Variants in CFAP52 observed in about 807,000 individuals in gnomAD.
CFAP52 encodes the protein cilia- and flagella-associated protein 52.
In CFAP52, 57 loss-of-function variants were observed where a neutral mutation model predicts 70.5. The ratio of observed to expected loss-of-function variants is 0.81; its 90% confidence interval spans 0.65 to 1.01. The LOEUF (loss-of-function observed/expected upper bound fraction) is 1.01. Ranked by LOEUF, CFAP52 falls within the 50% of genes least tolerant of loss-of-function variation. The pLI is 0.00. For synonymous variants in CFAP52, 267 were observed against 292.5 expected (o/e 0.91, Z 0.89); for missense variants, 785 against 788.5 (o/e 1.00, Z 0.05).
intron 9 of CFAP52, among the ~76,000 whole-genome samples, chr17:9,631,052 G>GAGAGAGAGAGAAAGAAAGAA (rs370935367): frequency 7.9e-5 from 3 of 37,958 alleles, no homozygotes; most frequent in African/African-American, 2.6e-4. Flanking sequence ...GAGAGAGAGA[G>GAGAGAGAGAGAAAGAAAGAA]AGAAAGAAAG....
At chr17:9,638,158 A>T (rs971122084) in intron 11 of CFAP52, among the ~76,000 whole-genome samples, 4 of 152,230 alleles carry the variant, frequency 2.6e-5, no homozygotes, top group African/African-American at 9.6e-5. Flanking sequence ...AGATACATCG[A>T]TGATTAAAAC....
chr17:9,608,229 G>C lies in CFAP52; in HGVS notation c.854+10G>C, dbSNP rs182160437. 1 of 1,600,480 alleles carries C rather than the reference G, an allele frequency of 6.2e-7. No individual in the cohort carries two copies. The highest frequency in any genetic ancestry group is 1.7e-5 in the Admixed American group (1 of 59,380). On this transcript the variant is annotated intron_variant, in intron 7 of 13. Transcript: ENST00000352665. ...GCTACAAACCCATCAAGTAAGTTCC[G>C]GGTCTCACACAGTGGGGCTGGGTAG...
chr17:9,642,363 C>T (rs1174330703), intron 13 of CFAP52, among the ~76,000 whole-genome samples: 3 of 152,312 alleles, frequency 2.0e-5, no homozygotes, highest in South Asian at 4.2e-4. Flanking sequence ...GTGGCTCATG[C>T]CTGTAATCCT....
chr17:9,631,479 G>C (rs1308897341), intron 9 of CFAP52, among the ~76,000 whole-genome samples: 1 of 152,158 alleles, frequency 6.6e-6, no homozygotes, highest in African/African-American at 2.4e-5. Flanking sequence ...AAGCTTATGA[G>C]AGGGTGCCAG....
chr17:9,604,005 T>C (rs542012413), intron 6 of CFAP52, among the ~76,000 whole-genome samples: 67 of 152,206 alleles, frequency 4.4e-4, no homozygotes, highest in African/African-American at 1.5e-3. Context: ...TGAATTCACA[T>C]AGTCAACTGA....
intron 4 of CFAP52, among the ~76,000 whole-genome samples, chr17:9,595,789 C>G (rs893287000): frequency 6.6e-6 from 1 of 151,334 alleles, no homozygotes; most frequent in Non-Finnish European, 1.5e-5. Flanking sequence ...TAACTTGGTC[C>G]CAGTGCCATG....
At position 9,598,259 on chromosome 17, in the gene CFAP52, G is replaced by A. The variant is rs764157498; in HGVS notation, c.562G>A (p.Asp188Asn). 46 of 1,612,516 alleles carry A rather than the reference G, an allele frequency of 2.9e-5. No homozygotes were observed. In the South Asian group the frequency reaches 4.2e-4, roughly 15 times the overall value. ...GNGTIRVWEL[D>N]LPNRKIWPTE... ...TGGGACAATTCGAGTATGGGAATTGGATCTTCCAAATAGAAAAATCTGGCC... is the reference window on the plus strand; with the variant it reads ...TGGGACAATTCGAGTATGGGAATTGAATCTTCCAAATAGAAAAATCTGGCC... Residue 188 changes from aspartate to asparagine, a missense_variant, in exon 5 of 14, where the codon GAT (aspartate) becomes AAT (asparagine). Coordinates refer to ENST00000352665, the MANE Select transcript of CFAP52 (RefSeq NM_145054.5).
At position 9,612,385 on chromosome 17, in the gene CFAP52, G is replaced by A; in HGVS notation, c.931G>A (p.Glu311Lys). 6.2e-7 allele frequency: 1 copy of A among 1,614,216 alleles called. No homozygotes were observed. The highest frequency in any genetic ancestry group is 8.5e-7 in the Non-Finnish European group (1 of 1,180,044). ...EGHQFLVGTE[E>K]SHIYRVSFTD... ...ACACCAGTTTCTCGTAGGAACAGAA[G>A]AATCGCACATTTATCGTGTCAGCTT... is the stretch of plus-strand genomic sequence containing the variant. The change falls in exon 8 of 14, where the codon GAA becomes AAA. Residue 311 changes from glutamate to lysine, a missense_variant. By Grantham distance (56) the Glu-to-Lys change is moderately conservative. Coordinates refer to ENST00000352665, the MANE Select transcript of CFAP52 (RefSeq NM_145054.5).
At chr17:9,636,374 G>A (rs1241972400) in intron 11 of CFAP52, among the ~76,000 whole-genome samples, 2 of 152,106 alleles carry the variant, frequency 1.3e-5, no homozygotes, top group East Asian at 1.9e-4. Context: ...CTTTCCCCTC[G>A]GTTGGCTGCA....
chr17:9,596,095 A>ATATG (rs1909005694), intron 4 of CFAP52, among the ~76,000 whole-genome samples: 2 of 138,984 alleles, frequency 1.4e-5, no homozygotes, highest in Non-Finnish European at 3.1e-5. Context: ...ATATATATAT[A>ATATG]TATATATGTA....
intron 11 of CFAP52, among the ~76,000 whole-genome samples, chr17:9,635,769 G>C (rs779751452): frequency 6.6e-6 from 1 of 152,206 alleles, no homozygotes; most frequent in Non-Finnish European, 1.5e-5. Flanking sequence ...CTGAATGTTA[G>C]AAGTTTCTGG....
At chr17:9,640,881 C>CA (rs1911023465) in intron 12 of CFAP52, among the ~76,000 whole-genome samples, 1 of 152,100 alleles carries the variant, frequency 6.6e-6, no homozygotes, top group South Asian at 2.1e-4. Flanking sequence ...TGACCTCAAG[C>CA]AACGGGCCCA....
At chr17:9,601,584 AG>A (rs1284048208) in intron 6 of CFAP52, among the ~76,000 whole-genome samples, 6 of 152,186 alleles carry the variant, frequency 3.9e-5, no homozygotes, top group African/African-American at 1.2e-4. Context: ...TTTACTAACT[AG>A]ATCTTAGATT....
Position 9,632,903 on chromosome 17 carries a change from A to G in CFAP52, c.1190A>G (p.Lys397Arg). Reference sequence around the variant, plus strand: ...TTCATGCCAGCATGGAACGACGGTAAAATCCGAGCCTTCGCCCCAGAGACA... The same window carrying G: ...TTCATGCCAGCATGGAACGACGGTAGAATCCGAGCCTTCGCCCCAGAGACA... The part of the protein sequence containing the change: ...KSIISAWNDG[K>R]IRAFAPETGR... Residue 397 changes from lysine to arginine, a missense_variant, in exon 10 of 14, where the codon AAA (lysine) becomes AGA (arginine). By Grantham distance (26) the Lys-to-Arg change is conservative (BLOSUM62 2). Coordinates refer to ENST00000352665, the MANE Select transcript of CFAP52 (RefSeq NM_145054.5). The G allele has an allele frequency of 6.2e-7, 1 of 1,614,152 alleles. No homozygotes were observed.
At chr17:9,584,105 C>T in intron 1 of CFAP52, 1 of 930,320 alleles carries the variant, frequency 1.1e-6, no homozygotes, top group Non-Finnish European at 1.4e-6. Flanking sequence ...CAGATGCCAT[C>T]TGCCCTGTTC....
intron 7 of CFAP52, among the ~76,000 whole-genome samples, chr17:9,609,069 CAT>C (rs1186057750): frequency 5.3e-5 from 8 of 152,148 alleles, no homozygotes; most frequent in African/African-American, 1.9e-4. Context: ...ATACCCCACA[CAT>C]GTGCTTTATG....
chr17:9,604,895 C>T (rs1344167331), intron 6 of CFAP52, among the ~76,000 whole-genome samples: 3 of 152,084 alleles, frequency 2.0e-5, no homozygotes, highest in African/African-American at 7.2e-5. Flanking sequence ...CAATGAGGCA[C>T]GACTACATAC....
intron 5 of CFAP52, 111 bp downstream of exon 5, chr17:9,598,444 T>C: frequency 1.2e-6 from 1 of 812,226 alleles, no homozygotes; most frequent in South Asian, 1.8e-5. Flanking sequence ...AAGTGGGGTA[T>C]AGACATAGGG....
intron 1 of CFAP52, among the ~76,000 whole-genome samples, chr17:9,579,643 C>T (rs1908124010): frequency 6.6e-6 from 1 of 152,242 alleles, no homozygotes. Context: ...TCTCAGCTCA[C>T]TGCAACCTCT....
Sources: gnomAD v4.1 joint callset for allele counts (sites outside exome capture counted in the v4.1 genomes callset) on GRCh38, gnomAD v4.1.1 for gene constraint, MANE v1.5 for transcripts, NCBI Gene and HGNC (gene_info 2026-07-23, HGNC 2026-07-21) for gene names.